CSTF3: variants seen among roughly 807,000 people sequenced by gnomAD.
CSTF3 encodes CF-1 77 kDa subunit.
Under a neutral mutation model 105.8 loss-of-function variants are expected in CSTF3, and 29 were observed. The ratio of observed to expected loss-of-function variants is 0.27; its 90% CI spans 0.20 to 0.37. The LOEUF (loss-of-function observed/expected upper bound fraction) is 0.37, where lower values mean the gene tolerates loss of function less well. Among genes scored for constraint, CSTF3 ranks in the 10% least tolerant of loss-of-function variants. CSTF3 has a pLI of 1.00. For missense variants in CSTF3, 357 were observed against 879.3 expected (o/e 0.41, Z 7.51); for synonymous variants, 252 against 281.9 (o/e 0.89, Z 1.06).
At chr11:33,091,833 G>A (rs576454121) in intron 16 of CSTF3, among the ~76,000 whole-genome samples, 23 of 152,050 alleles carry the variant, frequency 1.5e-4, no homozygotes, top group Admixed American at 1.4e-3. Flanking sequence ...TCCCACCTCC[G>A]CCTCCCAGTA....
At chr11:33,128,533 C>T (rs779451399) in intron 3 of CSTF3, among the ~76,000 whole-genome samples, 4 of 152,114 alleles carry the variant, frequency 2.6e-5, no homozygotes, top group East Asian at 1.9e-4. Context: ...AAATTACAGC[C>T]AACTTATTAA....
chr11:33,146,034 C>T (rs1039910125), intron 1 of CSTF3, among the ~76,000 whole-genome samples: 1 of 151,766 alleles, frequency 6.6e-6, no homozygotes, highest in Non-Finnish European at 1.5e-5. Context: ...GTCAGGAGTT[C>T]GAGACCAGCC....
intron 3 of CSTF3, among the ~76,000 whole-genome samples, chr11:33,128,035 TC>T (rs1218232141): frequency 2.1e-4 from 32 of 152,290 alleles, no homozygotes; most frequent in African/African-American, 7.7e-4. Flanking sequence ...ACAAAATAAG[TC>T]AATTTAGAAA....
chr11:33,128,977 C>T (rs1372540333), intron 3 of CSTF3, among the ~76,000 whole-genome samples: 1 of 152,174 alleles, frequency 6.6e-6, no homozygotes, highest in African/African-American at 2.4e-5. Context: ...CCCCCATCTT[C>T]CCATGCAGTG....
intron 3 of CSTF3, among the ~76,000 whole-genome samples, chr11:33,128,268 C>T (rs1314547465): frequency 6.6e-6 from 1 of 152,078 alleles, no homozygotes; most frequent in Non-Finnish European, 1.5e-5. Context: ...ATATTTTCCT[C>T]AATCGCTATG....
In CSTF3 at chr11:33,110,881, TA is replaced by T. The variant is rs58887421; in HGVS notation, c.226-2464del. ...AAGCCATTAGTAACAGCTATTCTAA[TA>T]AAAAAAAAATGTATCTTTTGACGCA... On this transcript the variant is annotated intron_variant, in intron 3 of 20. Coordinates refer to ENST00000323959, the MANE Select transcript of CSTF3 (RefSeq NM_001326.3). Among the ~76,000 whole-genome samples the T allele has an allele frequency of 1.0e-3, 153 of 149,466 alleles. 1 individual carries two copies. The highest frequency in any genetic ancestry group is 2.3e-3 in the African/African-American group (93 of 40,896).
intron 16 of CSTF3, among the ~76,000 whole-genome samples, chr11:33,091,861 G>A (rs1381651721): frequency 6.6e-6 from 1 of 152,018 alleles, no homozygotes; most frequent in African/African-American, 2.4e-5. Flanking sequence ...CTACAGGCAT[G>A]CACCACCACA....
At chr11:33,150,021 A>G (rs1318083003) in intron 1 of CSTF3, among the ~76,000 whole-genome samples, 2 of 131,226 alleles carry the variant, frequency 1.5e-5, no homozygotes, top group African/African-American at 5.1e-5. Flanking sequence ...TCCGTCTTGA[A>G]AACAAAACAA....
intron 3 of CSTF3, among the ~76,000 whole-genome samples, chr11:33,132,481 G>A (rs1010947567): frequency 6.6e-6 from 1 of 152,108 alleles, no homozygotes; most frequent in Non-Finnish European, 1.5e-5. Flanking sequence ...GCCCACCTTG[G>A]CCTCCCAAAT....
intron 1 of CSTF3, 84 bp from the exon 2 acceptor site, chr11:33,142,070 A>C: frequency 6.3e-7 from 1 of 1,578,756 alleles, no homozygotes; most frequent in Non-Finnish European, 8.6e-7. Flanking sequence ...TAAAGTCCTC[A>C]GATGCAATGT....
At chr11:33,155,536 G>A (rs1849853698) in intron 1 of CSTF3, among the ~76,000 whole-genome samples, 1 of 152,082 alleles carries the variant, frequency 6.6e-6, no homozygotes, top group Non-Finnish European at 1.5e-5. Context: ...CTTAAAAGAT[G>A]AGACTTCTTT....
intron 3 of CSTF3, among the ~76,000 whole-genome samples, chr11:33,124,698 T>G (rs419003): frequency 0.29 from 44,722 of 152,042 alleles, 7,647 homozygotes; most frequent in Middle Eastern, 0.43. Flanking sequence ...AGCTTGTAAT[T>G]TAATATATGT....
chr11:33,095,559 C>T (rs1291268637), intron 15 of CSTF3, among the ~76,000 whole-genome samples: 3 of 152,052 alleles, frequency 2.0e-5, no homozygotes, highest in African/African-American at 7.2e-5. Context: ...CGGTGGCTCA[C>T]GCCTGTAATC....
At chr11:33,115,482 C>G (rs1429549670) in intron 3 of CSTF3, among the ~76,000 whole-genome samples, 1 of 152,120 alleles carries the variant, frequency 6.6e-6, no homozygotes, top group Non-Finnish European at 1.5e-5. Context: ...GCAGAATATT[C>G]TTCTTTCCAC....
intron 16 of CSTF3, among the ~76,000 whole-genome samples, chr11:33,091,608 T>C (rs1262892907): frequency 6.6e-6 from 1 of 152,168 alleles, no homozygotes; most frequent in Admixed American, 6.5e-5. Context: ...AAAACAAACT[T>C]TGAATTTACA....
At chr11:33,108,835 A>G (rs1855351907) in intron 3 of CSTF3, among the ~76,000 whole-genome samples, 1 of 152,226 alleles carries the variant, frequency 6.6e-6, no homozygotes, top group African/African-American at 2.4e-5. Flanking sequence ...ATAAACATTC[A>G]GTCACACCAT....
At chr11:33,147,656 A>G (rs1015969450) in intron 1 of CSTF3, among the ~76,000 whole-genome samples, 15 of 152,280 alleles carry the variant, frequency 9.9e-5, no homozygotes, top group African/African-American at 3.6e-4. Flanking sequence ...ATTAACTAAG[A>G]AATAAAACTG....
In CSTF3 at chr11:33,085,747, C is replaced by T. The variant is rs777160446; in HGVS notation, c.1917G>A (p.Leu639=). 1.6e-5 allele frequency: 26 copies of T among 1,613,726 alleles called. No individual in the cohort carries two copies. The Admixed American group carries it at 4.0e-4, about 25-fold the overall frequency. The change falls in exon 20 of 21, where the codon CTG becomes CTA. Residue 639 remains leucine, a synonymous_variant. Transcript: ENST00000323959. ...TCTTGCATCTTCGGAAAATTTCCAT[C>T]AGTTCATCCACTTGTACAAAAGGAC... ...FQGPFVQVDE[L]MEIFRRCKIP...
chr11:33,148,867 T>G (rs999915214), intron 1 of CSTF3, among the ~76,000 whole-genome samples: 5 of 150,906 alleles, frequency 3.3e-5, no homozygotes, highest in Non-Finnish European at 5.9e-5. Flanking sequence ...TGTGTTTTTT[T>G]TTTTTTTTTT....
Sources: gnomAD v4.1 joint callset for allele counts (sites outside exome capture counted in the v4.1 genomes callset) on GRCh38, gnomAD v4.1.1 for gene constraint, MANE v1.5 for transcripts, NCBI Gene and HGNC (gene_info 2026-07-23, HGNC 2026-07-21) for gene names.